RELL1: variants seen among roughly 807,000 people sequenced by gnomAD.
RELL1 encodes the protein RELT like 1.
In RELL1, 10 loss-of-function variants were observed where a neutral mutation model predicts 23.0. The observed-to-expected ratio is 0.43, with a 90% CI of 0.27 to 0.74. RELL1 has a LOEUF of 0.74. RELL1 is among the 30% of genes least tolerant of loss of function. The pLI, the probability that RELL1 is intolerant of heterozygous loss-of-function variation, is 0.19. For synonymous variants in RELL1, 146 were observed against 146.8 expected, an observed-to-expected ratio of 0.99 and a Z score of 0.04; for missense variants, 315 against 364.4, an observed-to-expected ratio of 0.86 and a Z score of 1.10.
At chr4:37,655,650 G>C (rs1162296255) in intron 1 of RELL1, among the ~76,000 whole-genome samples, 1 of 152,186 alleles carries the variant, frequency 6.6e-6, no homozygotes, top group Non-Finnish European at 1.5e-5. Context: ...GGTACTTTGT[G>C]AGGCAGCTCT....
At chr4:37,664,611 A>T (rs1721467878) in intron 1 of RELL1, among the ~76,000 whole-genome samples, 1 of 152,142 alleles carries the variant, frequency 6.6e-6, no homozygotes, top group Admixed American at 6.6e-5. Context: ...AAGAAAGGAG[A>T]GGAATAAAGA....
At chr4:37,626,892 T>C (rs1019089671) in intron 6 of RELL1, among the ~76,000 whole-genome samples, 1 of 148,492 alleles carries the variant, frequency 6.7e-6, no homozygotes, top group African/African-American at 2.5e-5. Context: ...GGGGGAGGGG[T>C]TGGTCAAAAG....
downstream of RELL1, among the ~76,000 whole-genome samples, chr4:37,609,269 C>CTG (rs1719306468): frequency 3.3e-5 from 5 of 152,148 alleles, no homozygotes; most frequent in African/African-American, 1.2e-4. Context: ...TGTAAACAGC[C>CTG]TAGATAACAG....
chr4:37,589,636 C>T (rs1325947191), downstream of RELL1, among the ~76,000 whole-genome samples: 1 of 152,022 alleles, frequency 6.6e-6, no homozygotes, highest in Non-Finnish European at 1.5e-5. Context: ...CAGGCAGAAC[C>T]TTGTTTATCT....
chr4:37,631,500 T>G lies in RELL1; in HGVS notation c.704A>C (p.His235Pro). 1 of 1,614,066 alleles carries G rather than the reference T, an allele frequency of 6.2e-7. No homozygotes were observed. Among genetic ancestry groups the G allele is most frequent in the Non-Finnish European group, 8.5e-7 (1 of 1,179,986 alleles). ...TCTCCGTTCCTTCTGGTTTGACTTG[T>G]GCTCCACTTTTGTAACTCTAAATCT... ...VGRFRVTKVE[H>P]KSNQKERRSL... Residue 235 changes from histidine to proline, a missense_variant, in exon 6 of 7, where the codon CAC becomes CCC. Transcript: ENST00000454158.
At chr4:37,624,912 T>C (rs1719890251) in intron 6 of RELL1, among the ~76,000 whole-genome samples, 1 of 152,184 alleles carries the variant, frequency 6.6e-6, no homozygotes, top group Non-Finnish European at 1.5e-5. Flanking sequence ...TAATAAATAA[T>C]TAAGACCACC....
chr4:37,604,862 CACAG>C (rs1719132856), intron 6 of RELL1, among the ~76,000 whole-genome samples: 1 of 126,498 alleles, frequency 7.9e-6, no homozygotes, highest in Non-Finnish European at 1.6e-5. Flanking sequence ...GACACACACA[CACAG>C]ACACACACAC....
intron 1 of RELL1, among the ~76,000 whole-genome samples, chr4:37,652,006 G>A (rs1343769851): frequency 6.6e-6 from 1 of 152,246 alleles, no homozygotes; most frequent in African/African-American, 2.4e-5. Context: ...GGGCGTCGAG[G>A]CTGGGGCAGA....
chr4:37,669,050 G>T (rs1424201941), intron 1 of RELL1, among the ~76,000 whole-genome samples: 1 of 122,076 alleles, frequency 8.2e-6, no homozygotes, highest in Non-Finnish European at 1.6e-5. Context: ...GTCCGGGAGG[G>T]AGGTGGGGGG....
rs779153862 is a variant in RELL1 at position 37,649,511 on chromosome 4, A to G, written c.89-11T>C. ...GGCTGCTCCCATTGTCTACAGAAAG[A>G]AACATGCATGCTGCATTAGATATCT... On this transcript the variant is annotated splice_polypyrimidine_tract_variant and intron_variant, in intron 1 of 6. Transcript: ENST00000454158. 1 of 1,607,840 alleles carries G rather than the reference A, an allele frequency of 6.2e-7. No homozygotes were observed. The highest frequency in any genetic ancestry group is 1.7e-5 in the Admixed American group (1 of 59,978).
intron 6 of RELL1, among the ~76,000 whole-genome samples, chr4:37,624,388 TG>T (rs1326648752): frequency 2.0e-5 from 3 of 151,876 alleles, no homozygotes; most frequent in South Asian, 4.2e-4. Flanking sequence ...TTCCACCTCT[TG>T]GAAGAAGGAA....
intron 1 of RELL1, among the ~76,000 whole-genome samples, chr4:37,684,940 G>A (rs1014873172): frequency 6.6e-6 from 1 of 152,006 alleles, no homozygotes; most frequent in Non-Finnish European, 1.5e-5. Flanking sequence ...GTGACAAAAT[G>A]AGCCCCTGTA....
chr4:37,625,057 G>A (rs1719894874), intron 6 of RELL1, among the ~76,000 whole-genome samples: 1 of 152,184 alleles, frequency 6.6e-6, no homozygotes, highest in South Asian at 2.1e-4. Flanking sequence ...ACCGGGGCTT[G>A]AAAACATTAA....
chr4:37,656,294 A>C (rs1191605455), intron 1 of RELL1, among the ~76,000 whole-genome samples: 1 of 152,242 alleles, frequency 6.6e-6, no homozygotes, highest in Non-Finnish European at 1.5e-5. Context: ...TATGGTATCT[A>C]AAATAGTCAA....
At chr4:37,673,190 T>C (rs558655316) in intron 1 of RELL1, among the ~76,000 whole-genome samples, 2,291 of 104,142 alleles carry the variant, frequency 0.022, 86 homozygotes, top group African/African-American at 0.077. Flanking sequence ...TTTTTTCTTT[T>C]TTTTTTTTTT....
intron 1 of RELL1, among the ~76,000 whole-genome samples, chr4:37,660,650 T>C (rs912871037): frequency 6.6e-6 from 1 of 152,202 alleles, no homozygotes; most frequent in African/African-American, 2.4e-5. Flanking sequence ...GAGTTTAGAC[T>C]ACCAGTCCCA....
At chr4:37,673,186 C>CTTTTTTTTTTTTTTTTTTTTTTTT (rs71189095) in intron 1 of RELL1, among the ~76,000 whole-genome samples, 3 of 93,180 alleles carry the variant, frequency 3.2e-5, no homozygotes, top group Admixed American at 1.8e-4. Flanking sequence ...CTTTTTTTTT[C>CTTTTTTTTTTTTTTTTTTTTTTTT]TTTTTTTTTT....
At chr4:37,630,353 GT>G (rs1720078980) in intron 6 of RELL1, among the ~76,000 whole-genome samples, 1 of 135,880 alleles carries the variant, frequency 7.4e-6, no homozygotes, top group Non-Finnish European at 1.5e-5. Context: ...GCGTGTGTGT[GT>G]GGTTTTTTTT....
At chr4:37,632,598 A>G (rs1720181597) in intron 5 of RELL1, among the ~76,000 whole-genome samples, 1 of 152,192 alleles carries the variant, frequency 6.6e-6, no homozygotes, top group African/African-American at 2.4e-5. Context: ...AGGCAGTCCT[A>G]TCTCAACACA....
Sources: allele counts gnomAD v4.1 joint callset (sites outside exome capture counted in the v4.1 genomes callset), GRCh38; gene constraint gnomAD v4.1.1; transcripts MANE v1.5; gene names NCBI Gene and HGNC (gene_info 2026-07-23, HGNC 2026-07-21).